CLPP: variants seen among roughly 807,000 people sequenced by gnomAD.
CLPP encodes ATP-dependent Clp protease proteolytic subunit, mitochondrial.
In CLPP, 14 loss-of-function variants were observed where a neutral mutation model predicts 27.4. That is an observed-to-expected ratio of 0.51 (90% CI 0.34 to 0.80). The LOEUF (loss-of-function observed/expected upper bound fraction) is 0.80. Ranked by LOEUF, CLPP falls within the 30% of genes least tolerant of loss-of-function variation. The pLI is 0.02. For missense variants in CLPP, 361 were observed against 403.6 expected (o/e 0.89, Z 0.90); for synonymous variants, 193 against 166.6 (o/e 1.16, Z -1.22).
chr19:6,364,360 C>A, intron 3 of CLPP, 92 bp from the exon 4 acceptor site: 2 of 1,182,292 alleles, frequency 1.7e-6, no homozygotes, highest in Non-Finnish European at 2.4e-6. Context: ...AGGGGGGCTG[C>A]ATCTGTTCCA....
chr19:6,366,223 A>T, intron 4 of CLPP, 35 bp from the exon 5 acceptor site: 1 of 1,489,300 alleles, frequency 6.7e-7, no homozygotes, highest in South Asian at 1.2e-5. Context: ...GCCGATACCA[A>T]CCTTTACCCC....
At position 6,361,605 on chromosome 19, in the gene CLPP, C is replaced by T. The variant is rs1370945079; in HGVS notation, c.31C>T (p.Arg11Trp). 2.1e-6 allele frequency: 3 copies of T among 1,413,530 alleles called. No individual in the cohort carries two copies. Among genetic ancestry groups the T allele is most frequent in the Non-Finnish European group, 2.8e-6 (3 of 1,082,900 alleles). 87.6% of individuals were successfully genotyped at this position (1,413,530 alleles called of 1,614,324 possible). Residue 11 changes from arginine (R) to tryptophan (W), a missense_variant, in exon 1 of 6, where the codon CGG (arginine) becomes TGG (tryptophan). By Grantham distance (101) the Arg-to-Trp change is moderately radical. This residue lies in a region of CLPP where 148 missense variants were observed against 122.6 expected (regional missense o/e 1.21). Coordinates refer to ENST00000245816, the MANE Select transcript of CLPP (RefSeq NM_006012.4). MWPGILVGGA[R>W]VASCRYPALG... is the part of the protein sequence containing the mutation. ...GCCCGGAATATTGGTAGGGGGGGCCCGGGTGGCGTCATGCAGGTACCCCGC... is the reference window on the plus strand; with the variant it reads ...GCCCGGAATATTGGTAGGGGGGGCCTGGGTGGCGTCATGCAGGTACCCCGC...
Position 6,368,759 on chromosome 19 carries a change from A to C in CLPP, c.*49A>C, listed in dbSNP as rs914779912. On this transcript the variant is annotated 3_prime_UTR_variant, in exon 6 of 6. Transcript: ENST00000245816. ...CATGTGGAGGGGCCAGAGGCCTGCCAGACCCCCAGCTGGGCCCTGCTCACC... is the reference window on the plus strand; with the variant it reads ...CATGTGGAGGGGCCAGAGGCCTGCCCGACCCCCAGCTGGGCCCTGCTCACC... The C allele has an allele frequency of 5.9e-6, 9 of 1,519,470 alleles. No individual in the cohort carries two copies. The African/African-American group carries it at 1.2e-4, about 21-fold the overall frequency. The allele number at this position is 1,519,470 out of a possible 1,614,324, so 94.1% of individuals were successfully genotyped here.
intron 4 of CLPP, chr19:6,365,184 A>G (rs2091856271): frequency 6.6e-6 from 1 of 151,860 alleles, no homozygotes; most frequent in Admixed American, 6.6e-5. Flanking sequence ...TATTAAAGAA[A>G]AAAAAAAAAA....
In CLPP at chr19:6,361,619, C is replaced by T; in HGVS notation, c.45C>T (p.Cys15=). The stretch of plus-strand genomic sequence containing the variant: ...TAGGGGGGGCCCGGGTGGCGTCATG[C>T]AGGTACCCCGCGCTGGGGCCTCGCC... ...ILVGGARVAS[C]RYPALGPRLA... The change falls in exon 1 of 6, where the codon TGC becomes TGT. Residue 15 remains cysteine (C), a synonymous_variant. Coordinates refer to ENST00000245816, the MANE Select transcript of CLPP (RefSeq NM_006012.4). 7.0e-7 allele frequency: 1 copy of T among 1,426,088 alleles called. No individual in the cohort carries two copies. The highest frequency in any genetic ancestry group is 9.2e-7 in the Non-Finnish European group (1 of 1,089,816). 88.3% of individuals were successfully genotyped at this position (1,426,088 alleles called of 1,614,324 possible).
chr19:6,366,508 G>C, intron 5 of CLPP, 145 bp downstream of exon 5: 2 of 567,724 alleles, frequency 3.5e-6, no homozygotes, highest in South Asian at 4.8e-5. Flanking sequence ...AGGTCAGCCT[G>C]GCCAACATGG....
intron 2 of CLPP, 185 bp downstream of exon 2, chr19:6,362,125 C>T (rs2091838124): frequency 1.6e-6 from 1 of 612,854 alleles, no homozygotes; most frequent in Non-Finnish European, 2.9e-6. Context: ...CCCTTCTCTG[C>T]TCCTCGGCTC....
intron 3 of CLPP, among the ~76,000 whole-genome samples, 174 bp downstream of exon 3, chr19:6,362,716 G>A (rs2091842185): frequency 6.6e-6 from 1 of 152,096 alleles, no homozygotes; most frequent in Non-Finnish European, 1.5e-5. Flanking sequence ...TTTGAGCCTC[G>A]GTTCACAAGT....
In CLPP at chr19:6,364,515, G is replaced by T; in HGVS notation, c.431G>T (p.Cys144Phe). Residue 144 changes from cysteine (C) to phenylalanine (F), a missense_variant, in exon 4 of 6, where the codon TGC becomes TTC. By Grantham distance (205) the Cys-to-Phe change is radical. This residue lies in a region of CLPP where 213 missense variants were observed against 280.9 expected (regional missense o/e 0.76). Coordinates refer to ENST00000245816, the MANE Select transcript of CLPP (RefSeq NM_006012.4). The stretch of plus-strand genomic sequence containing the variant: ...ATGCAGTACATCCTCAACCCGATCT[G>T]CACCTGGTGCGTGGGCCAGGCCGCC... ...DTMQYILNPI[C>F]TWCVGQAASM... 6.2e-7 allele frequency: 1 copy of T among 1,612,312 alleles called. No individual in the cohort carries two copies. Among genetic ancestry groups the T allele is most frequent in the Non-Finnish European group, 8.5e-7 (1 of 1,179,684 alleles).
In CLPP at chr19:6,365,667, A is replaced by G. The variant is rs574445621; in HGVS notation, c.556-591A>G. ...GAGACCCCATCTCTACCAAATATTT[A>G]AAATGACTCGGGCATGGTTATGCTT... On this transcript the variant is annotated intron_variant, in intron 4 of 5. Transcript: ENST00000245816. Among the ~76,000 whole-genome samples the G allele has an allele frequency of 4.3e-4, 65 of 151,966 alleles. 1 individual carries two copies. The highest frequency in any genetic ancestry group is 1.5e-3 in the African/African-American group (62 of 41,442).
rs1461380390 is a variant in CLPP, at chr19:6,361,617, T to G, written c.43T>G (p.Cys15Gly). 7.0e-7 allele frequency: 1 copy of G among 1,423,202 alleles called. No individual in the cohort carries two copies. Among genetic ancestry groups the G allele is most frequent in the Admixed American group, 3.0e-5 (1 of 33,320 alleles). 88.2% of individuals were successfully genotyped at this position (1,423,202 alleles called of 1,614,324 possible). Residue 15 changes from cysteine to glycine, a missense_variant, in exon 1 of 6, where the codon TGC becomes GGC. Cys to Gly is a radical substitution (Grantham distance 159). This residue lies in a region of CLPP where 148 missense variants were observed against 122.6 expected (regional missense o/e 1.21). Transcript: ENST00000245816. ...ILVGGARVASCRYPALGPRLA... is the reference protein window; with the variant it reads ...ILVGGARVASGRYPALGPRLA... ...GGTAGGGGGGGCCCGGGTGGCGTCATGCAGGTACCCCGCGCTGGGGCCTCG... is the reference window on the plus strand; with the variant it reads ...GGTAGGGGGGGCCCGGGTGGCGTCAGGCAGGTACCCCGCGCTGGGGCCTCG...
At chr19:6,368,435 C>G (rs1396549618) in intron 5 of CLPP, 103 bp from the exon 6 acceptor site, 3 of 1,121,018 alleles carry the variant, frequency 2.7e-6, no homozygotes, top group African/African-American at 1.5e-5. Flanking sequence ...AACATATGAA[C>G]TTGGGGTGGT....
rs773050282 is a variant in CLPP, at chr19:6,361,904, G to A, written c.234G>A (p.Arg78=). The change falls in exon 2 of 6, where the codon CGG becomes CGA. Residue 78 remains arginine (R), a synonymous_variant. Coordinates refer to ENST00000245816, the MANE Select transcript of CLPP (RefSeq NM_006012.4). ...AGCGCGCCTATGACATCTACTCGCG[G>A]CTGCTGCGGGAGCGCATCGTGTGCG... ...RGERAYDIYS[R]LLRERIVCVM... 1.1e-5 allele frequency: 17 copies of A among 1,598,310 alleles called. No individual in the cohort carries two copies. Among genetic ancestry groups the A allele is most frequent in the Non-Finnish European group, 1.4e-5 (17 of 1,179,344 alleles).
chr19:6,365,991 C>G (rs1298291657), intron 4 of CLPP, among the ~76,000 whole-genome samples: 1 of 151,898 alleles, frequency 6.6e-6, no homozygotes, highest in African/African-American at 2.4e-5. Flanking sequence ...AAAGGCTTAG[C>G]TAATGCTGAG....
chr19:6,364,618 C>T lies in CLPP; in HGVS notation c.534C>T (p.His178=). 1 of 1,612,100 alleles carries T rather than the reference C, an allele frequency of 6.2e-7. No individual in the cohort carries two copies. Among genetic ancestry groups the T allele is most frequent in the Non-Finnish European group, 8.5e-7 (1 of 1,179,632 alleles). Residue 178 remains histidine (H), a synonymous_variant, in exon 4 of 6, where the codon CAC becomes CAT. Transcript: ENST00000245816. ...HSLPNSRIMI[H]QPSGGARGQA... is the part of the protein sequence containing the mutation. ...TCCCCAACTCCCGTATCATGATCCA[C>T]CAGCCCTCAGGAGGCGCCCGGGTGA...
At chr19:6,364,851 C>T in intron 4 of CLPP, 1 of 508,806 alleles carries the variant, frequency 2.0e-6, no homozygotes, top group East Asian at 3.6e-5. Context: ...GCCTGAGCCT[C>T]CTGAGTAGCT....
chr19:6,362,538 C>T lies in CLPP; in HGVS notation c.363C>T (p.Ser121=). The change falls in exon 3 of 6, where the codon AGC becomes AGT. Residue 121 remains serine, a synonymous_variant. Coordinates refer to ENST00000245816, the MANE Select transcript of CLPP (RefSeq NM_006012.4). The stretch of plus-strand genomic sequence containing the variant: ...AGCCCATCCACATGTACATCAACAG[C>T]CCTGGTGAGCAGGGTCTTTCCTGGG... ...NKKPIHMYIN[S]PGGVVTAGLA... is the part of the protein sequence containing the mutation. 2 of 1,611,086 alleles carry T rather than the reference C, an allele frequency of 1.2e-6. No individual in the cohort carries two copies. Among genetic ancestry groups the T allele is most frequent in the African/African-American group, 1.3e-5 (1 of 74,958 alleles).
rs2091878221 is a variant in CLPP at position 6,369,477 on chromosome 19, G to A, written c.*767G>A. Reference sequence around the variant, plus strand: ...CAAGTGTGAGGGTAAGCGTGTTACAGTTTTTTATGGGGTAATCAGGGAAGC... The same window carrying A: ...CAAGTGTGAGGGTAAGCGTGTTACAATTTTTTATGGGGTAATCAGGGAAGC... On this transcript the variant is annotated 3_prime_UTR_variant, in exon 6 of 6. Transcript: ENST00000245816. Among the ~76,000 whole-genome samples the A allele has an allele frequency of 6.6e-6, 1 of 151,664 alleles. No individual in the cohort carries two copies. The highest frequency in any genetic ancestry group is 6.6e-5 in the Admixed American group (1 of 15,194).
intron 4 of CLPP, among the ~76,000 whole-genome samples, chr19:6,365,968 A>C (rs1335210046): frequency 1.3e-5 from 2 of 152,122 alleles, no homozygotes; most frequent in African/African-American, 4.8e-5. Flanking sequence ...AAAAAACAAA[A>C]AACAAACAAA....
Sources: gnomAD v4.1 joint callset for allele counts (sites outside exome capture counted in the v4.1 genomes callset) on GRCh38, gnomAD v4.1.1 for gene constraint, gnomAD v4.1.1 regional missense constraint, MANE v1.5 for transcripts, NCBI Gene and HGNC (gene_info 2026-07-23, HGNC 2026-07-21) for gene names.